PROX1: variants seen among roughly 807,000 people sequenced by gnomAD.
PROX1 encodes the protein prospero homeobox 1.
In PROX1, 7 loss-of-function variants were observed where a neutral mutation model predicts 58.8. The ratio of observed to expected loss-of-function variants is 0.12; its 90% confidence interval spans 0.07 to 0.22. The LOEUF is 0.22. Among genes scored for constraint, PROX1 ranks in the 10% least tolerant of loss-of-function variants. The pLI, the probability that PROX1 is intolerant of heterozygous loss-of-function variation, is 1.00. For synonymous variants in PROX1, 350 were observed against 358.3 expected (o/e 0.98, Z 0.26); for missense variants, 675 against 927.8 (o/e 0.73, Z 3.54).
At position 213,998,021 on chromosome 1, in the gene PROX1, C is replaced by G. The variant is rs1663347223; in HGVS notation, c.1486C>G (p.Pro496Ala). ...LPLMAYPFQS[P>A]LGAPSGSFSG... ...CTTGATGGCCTATCCATTTCAGAGC[C>G]CATTAGGTGCTCCCTCCGGCTCCTT... is the stretch of plus-strand genomic sequence containing the variant. The change falls in exon 2 of 5, where the codon CCA becomes GCA. Residue 496 changes from proline (P) to alanine (A), a missense_variant. Pro to Ala is a conservative substitution (Grantham distance 27, BLOSUM62 -1). Around this residue, in one of 8 missense-constraint regions of PROX1, gnomAD observed 403 missense variants for 477.4 expected, o/e 0.84. Coordinates refer to ENST00000366958, the MANE Select transcript of PROX1 (RefSeq NM_001270616.2). The G allele has an allele frequency of 1.2e-6, 2 of 1,612,410 alleles. No homozygotes were observed. The highest frequency in any genetic ancestry group is 2.2e-5 in the East Asian group (1 of 44,854).
intron 4 of PROX1, among the ~76,000 whole-genome samples, chr1:214,031,922 A>G (rs1224637203): frequency 6.6e-6 from 1 of 152,128 alleles, no homozygotes; most frequent in Non-Finnish European, 1.5e-5. Flanking sequence ...GCCACCAAAC[A>G]CATGAGTTGC....
intron 2 of PROX1, among the ~76,000 whole-genome samples, chr1:213,999,798 A>G (rs1395744574): frequency 3.9e-5 from 6 of 152,340 alleles, no homozygotes; most frequent in African/African-American, 9.6e-5. Context: ...CATGCCTTAC[A>G]TATTATAAGC....
intron 4 of PROX1, among the ~76,000 whole-genome samples, chr1:214,014,030 T>C (rs771432257): frequency 6.6e-6 from 1 of 152,092 alleles, no homozygotes; most frequent in Non-Finnish European, 1.5e-5. Context: ...CACGAAATCG[T>C]TTTTCTTTTA....
chr1:214,010,317 T>A (rs908341568), intron 3 of PROX1, among the ~76,000 whole-genome samples: 3 of 152,220 alleles, frequency 2.0e-5, no homozygotes, highest in Admixed American at 6.5e-5. Flanking sequence ...TCCTTGTGAC[T>A]TCCATTCTCT....
At chr1:214,021,557 T>C (rs1365341587) in intron 4 of PROX1, among the ~76,000 whole-genome samples, 1 of 152,228 alleles carries the variant, frequency 6.6e-6, no homozygotes, top group African/African-American at 2.4e-5. Flanking sequence ...TGTAATGCGC[T>C]TCCAGCCTGA....
chr1:214,028,924 TGA>T (rs1664551351), intron 4 of PROX1: 1 of 152,200 alleles, frequency 6.6e-6, no homozygotes, highest in South Asian at 2.1e-4. Context: ...TTAGTGTGAG[TGA>T]GACAGTGAAG....
chr1:214,020,160 A>G (rs1232157429), intron 4 of PROX1, among the ~76,000 whole-genome samples: 3 of 152,132 alleles, frequency 2.0e-5, no homozygotes, highest in Non-Finnish European at 4.4e-5. Context: ...GGTTAGAATG[A>G]GTTTGGCATT....
chr1:214,030,463 C>T (rs777789499), intron 4 of PROX1: 2 of 152,200 alleles, frequency 1.3e-5, no homozygotes, highest in African/African-American at 4.8e-5. Context: ...GGAAAGAAGT[C>T]GATGCCTGGT....
At chr1:213,986,828 G>A (rs1662835563), upstream of PROX1, among the ~76,000 whole-genome samples, 2 of 152,162 alleles carry the variant, frequency 1.3e-5, no homozygotes, top group East Asian at 3.9e-4. Context: ...GCTGAGGCTC[G>A]CTTGCATTTG....
rs3059966 is a variant in PROX1 at position 214,031,064 on chromosome 1, T to C, written c.2029-4585T>C. 4.2e-3 allele frequency among the ~76,000 whole-genome samples: 600 copies of C among 141,784 alleles called. 4 individuals are homozygous for C. The highest frequency in any genetic ancestry group is 0.015 in the African/African-American group (556 of 37,550). 93.0% of individuals were successfully genotyped at this position (141,784 alleles called of 152,430 possible). ...GTGTGTGTGTGTGTGTGTGTGTGTGTGTGCGCGCGCGCGCATTCGCGCACG... is the reference window on the plus strand; with the variant it reads ...GTGTGTGTGTGTGTGTGTGTGTGTGCGTGCGCGCGCGCGCATTCGCGCACG... On this transcript the variant is annotated intron_variant, in intron 4 of 4. Coordinates refer to ENST00000366958, the MANE Select transcript of PROX1 (RefSeq NM_001270616.2).
chr1:214,022,526 G>C (rs561461555), intron 4 of PROX1, among the ~76,000 whole-genome samples: 2 of 152,326 alleles, frequency 1.3e-5, no homozygotes, highest in Non-Finnish European at 1.5e-5. Flanking sequence ...GTTTTCACAA[G>C]AGCAAGTGTT....
At position 213,998,098 on chromosome 1, in the gene PROX1, C is replaced by T; in HGVS notation, c.1563C>T (p.Thr521=). ...AATCCTTAGACTTAACTAGGGATAC[C>T]ACGAGTCTGAGGACCAAGATGTCAT... ...SPESLDLTRD[T]TSLRTKMSSH... Residue 521 remains threonine (T), a synonymous_variant, in exon 2 of 5, where the codon ACC becomes ACT. Coordinates refer to ENST00000366958, the MANE Select transcript of PROX1 (RefSeq NM_001270616.2). The T allele has an allele frequency of 6.2e-7, 1 of 1,614,116 alleles. No homozygotes were observed. The highest frequency in any genetic ancestry group is 1.1e-5 in the South Asian group (1 of 91,062).
chr1:214,011,350 CT>C (rs1281693608), intron 3 of PROX1, among the ~76,000 whole-genome samples, 170 bp from the exon 4 acceptor site: 1 of 152,108 alleles, frequency 6.6e-6, no homozygotes, highest in Non-Finnish European at 1.5e-5. Flanking sequence ...TTTATAATTT[CT>C]TGTAAGTATA....
At chr1:214,011,934 A>G (rs1277098102) in intron 4 of PROX1, among the ~76,000 whole-genome samples, 1 of 152,072 alleles carries the variant, frequency 6.6e-6, no homozygotes, top group African/African-American at 2.4e-5. Context: ...CTGGCTTTTC[A>G]GCTTGTGTGG....
At position 213,998,085 on chromosome 1, in the gene PROX1, T is replaced by C; in HGVS notation, c.1550T>C (p.Leu517Ser). Residue 517 changes from leucine to serine, a missense_variant, in exon 2 of 5, where the codon TTA becomes TCA. Physicochemically the swap from Leu to Ser is moderately radical, Grantham distance 145. Around this residue, in one of 8 missense-constraint regions of PROX1, gnomAD observed 403 missense variants for 477.4 expected, o/e 0.84. Coordinates refer to ENST00000366958, the MANE Select transcript of PROX1 (RefSeq NM_001270616.2). The stretch of plus-strand genomic sequence containing the variant: ...AGAGCCTCTCCTGAATCCTTAGACT[T>C]AACTAGGGATACCACGAGTCTGAGG... ...KDRASPESLD[L>S]TRDTTSLRTK... 1 of 1,613,976 alleles carries C rather than the reference T, an allele frequency of 6.2e-7. No individual in the cohort carries two copies. The highest frequency in any genetic ancestry group is 1.3e-5 in the African/African-American group (1 of 75,028).
chr1:213,987,719 G>A (rs1662861499), upstream of PROX1: 1 of 138,306 alleles, frequency 7.2e-6, no homozygotes, highest in African/African-American at 2.6e-5. Context: ...GGGTGGGGGT[G>A]GGGGCCGGGG....
chr1:213,999,619 CTT>C (rs534862286), intron 2 of PROX1, among the ~76,000 whole-genome samples: 39 of 152,216 alleles, frequency 2.6e-4, no homozygotes, highest in African/African-American at 6.7e-4. Flanking sequence ...TGGAGTCTCT[CTT>C]ATACTGAGCA....
chr1:214,019,336 C>G (rs1248123006), intron 4 of PROX1, among the ~76,000 whole-genome samples: 2 of 152,124 alleles, frequency 1.3e-5, no homozygotes, highest in African/African-American at 4.8e-5. Flanking sequence ...ACCTGTGTGG[C>G]TAGGCACGGG....
At position 214,037,986 on chromosome 1, in the gene PROX1, A is replaced by G. The variant is rs1357075447; in HGVS notation, c.*2152A>G. 2.0e-5 allele frequency: 3 copies of G among 152,252 alleles called. No individual in the cohort carries two copies. Among genetic ancestry groups the G allele is most frequent in the African/African-American group, 7.2e-5 (3 of 41,478 alleles). 9.4% of individuals were successfully genotyped at this position (152,252 alleles called of 1,614,324 possible). A position where few individuals can be genotyped will look rare whatever the true frequency, so the allele number is the denominator to read the frequency against. ...AACTTTGTGTTGCCATTTGCAAGGT[A>G]AAAGGCAAAGCTGTAGTGTATTCAC... On this transcript the variant is annotated 3_prime_UTR_variant, in exon 5 of 5. Coordinates refer to ENST00000366958, the MANE Select transcript of PROX1 (RefSeq NM_001270616.2).
Sources: allele counts gnomAD v4.1 joint callset (sites outside exome capture counted in the v4.1 genomes callset), GRCh38; gene constraint gnomAD v4.1.1; regional missense constraint gnomAD v4.1.1; transcripts MANE v1.5; gene names NCBI Gene and HGNC (gene_info 2026-07-23, HGNC 2026-07-21).